AGBL4: variants seen among roughly 807,000 people sequenced by gnomAD.
The protein encoded by AGBL4 is cytosolic carboxypeptidase 6.
A neutral mutation model predicts 66.4 loss-of-function variants in AGBL4; 58 were observed. The observed-to-expected ratio is 0.87, with a 90% CI of 0.71 to 1.09. The LOEUF is 1.09. AGBL4 is among the 50% of genes least tolerant of loss of function. The probability of loss-of-function intolerance (pLI) is 0.00; values close to 1 mark genes in which losing one functional copy is unlikely to be tolerated. For missense variants in AGBL4, 579 were observed against 631.0 expected (o/e 0.92, Z 0.88); for synonymous variants, 234 against 222.9 (o/e 1.05, Z -0.44).
intron 1 of AGBL4, among the ~76,000 whole-genome samples, chr1:49,874,587 C>T (rs999699171): frequency 6.6e-6 from 1 of 151,990 alleles, no homozygotes; most frequent in Non-Finnish European, 1.5e-5. Context: ...GTAGAATTAC[C>T]TATGACTCAT....
At chr1:49,008,487 G>A (rs912187115) in intron 5 of AGBL4, among the ~76,000 whole-genome samples, 11 of 147,484 alleles carry the variant, frequency 7.5e-5, no homozygotes, top group African/African-American at 2.2e-4. Flanking sequence ...AAGTCAACAA[G>A]GATACCCAGG....
At chr1:49,394,879 T>C (rs966833135) in intron 3 of AGBL4, among the ~76,000 whole-genome samples, 2 of 152,122 alleles carry the variant, frequency 1.3e-5, no homozygotes, top group Admixed American at 1.3e-4. Context: ...GAAAATCAGG[T>C]GTTTATTTTC....
intron 5 of AGBL4, 29 bp from the exon 6 acceptor site, chr1:48,867,259 C>A: frequency 6.2e-7 from 1 of 1,612,332 alleles, no homozygotes; most frequent in African/African-American, 1.3e-5. Flanking sequence ...TGTGAGGGCA[C>A]TGATTTGAGC....
chr1:49,770,871 C>A (rs777867391), intron 2 of AGBL4, among the ~76,000 whole-genome samples: 1 of 152,078 alleles, frequency 6.6e-6, no homozygotes, highest in African/African-American at 2.4e-5. Flanking sequence ...CCCTTCTCAT[C>A]TCTGATTTTA....
intron 3 of AGBL4, among the ~76,000 whole-genome samples, chr1:49,444,102 T>C (rs1646098456): frequency 6.6e-6 from 1 of 152,088 alleles, no homozygotes; most frequent in Admixed American, 6.5e-5. Flanking sequence ...TCTAGTTTTA[T>C]TCCATTGTTG....
chr1:49,474,885 G>C (rs539630809), intron 3 of AGBL4, among the ~76,000 whole-genome samples: 31 of 151,988 alleles, frequency 2.0e-4, no homozygotes, highest in Non-Finnish European at 2.6e-4. Flanking sequence ...TTAGCAAAGA[G>C]AGAAAATCTG....
intron 5 of AGBL4, among the ~76,000 whole-genome samples, chr1:48,988,629 G>C (rs1210464888): frequency 1.3e-5 from 2 of 152,166 alleles, no homozygotes; most frequent in African/African-American, 4.8e-5. Flanking sequence ...TCAATACTGA[G>C]AGCCTGTGGC....
chr1:48,583,185 T>TGA (rs1644765903), intron 11 of AGBL4, among the ~76,000 whole-genome samples: 1 of 152,192 alleles, frequency 6.6e-6, no homozygotes, highest in Admixed American at 6.5e-5. Context: ...CCAATGCTCT[T>TGA]TGCCCTACAA....
chr1:49,032,838 AAAG>A (rs1350845215), intron 5 of AGBL4, among the ~76,000 whole-genome samples: 1 of 152,092 alleles, frequency 6.6e-6, no homozygotes, highest in Non-Finnish European at 1.5e-5. Flanking sequence ...GAATAACTTA[AAAG>A]AAGAAGTTAA....
chr1:49,635,794 T>C (rs1454203721), intron 3 of AGBL4, among the ~76,000 whole-genome samples: 1 of 152,162 alleles, frequency 6.6e-6, no homozygotes, highest in Admixed American at 6.6e-5. Context: ...AAGTATAAAT[T>C]GGTACAACTA....
At chr1:48,895,664 TC>T (rs1371452533) in intron 5 of AGBL4, among the ~76,000 whole-genome samples, 1 of 152,138 alleles carries the variant, frequency 6.6e-6, no homozygotes, top group Non-Finnish European at 1.5e-5. Context: ...AGCTTATCAC[TC>T]CCTACCTTGT....
chr1:49,893,812 A>T (rs185336982), intron 1 of AGBL4, among the ~76,000 whole-genome samples: 57 of 152,296 alleles, frequency 3.7e-4, no homozygotes, highest in Non-Finnish European at 7.1e-4. Context: ...CATGAAGGAG[A>T]GAACACAAGC....
In AGBL4 at chr1:49,045,596, C is replaced by T. The variant is rs1644058354; in HGVS notation, c.582G>A (p.Leu194=). 6.2e-7 allele frequency: 1 copy of T among 1,604,458 alleles called. No individual in the cohort carries two copies. The highest frequency in any genetic ancestry group is 2.2e-5 in the East Asian group (1 of 44,488). Residue 194 remains leucine, a synonymous_variant, in exon 5 of 14, where the codon CTG becomes CTA. Transcript: ENST00000371839. The part of the protein sequence containing the change: ...RNMDYFFREQ[L]GQSVQQRKLD... ...GCACAGGCCTTACCACACTCTGGCCCAGCTGCTCCCGAAAGAAGTAATCCA... is the reference window on the plus strand; with the variant it reads ...GCACAGGCCTTACCACACTCTGGCCTAGCTGCTCCCGAAAGAAGTAATCCA...
chr1:49,974,237 A>G (rs568325422), intron 1 of AGBL4, among the ~76,000 whole-genome samples: 1 of 152,236 alleles, frequency 6.6e-6, no homozygotes, highest in South Asian at 2.1e-4. Flanking sequence ...AACAGAAGTG[A>G]TCGTGAGAAA....
intron 6 of AGBL4, among the ~76,000 whole-genome samples, chr1:48,673,092 G>A (rs1255102075): frequency 6.6e-6 from 1 of 152,054 alleles, no homozygotes; most frequent in Admixed American, 6.6e-5. Flanking sequence ...ATTCCCAAGG[G>A]GAAATTTGAT....
chr1:49,110,415 C>G (rs1443896039), intron 4 of AGBL4, among the ~76,000 whole-genome samples: 1 of 152,014 alleles, frequency 6.6e-6, no homozygotes, highest in Non-Finnish European at 1.5e-5. Context: ...ATTTTTTTCT[C>G]TAAAAAAAGT....
At chr1:49,514,955 A>G (rs1649644083) in intron 3 of AGBL4, among the ~76,000 whole-genome samples, 1 of 152,142 alleles carries the variant, frequency 6.6e-6, no homozygotes, top group South Asian at 2.1e-4. Context: ...CCTAGGCAAT[A>G]CCATTCAGGA....
intron 6 of AGBL4, among the ~76,000 whole-genome samples, chr1:48,802,264 A>C (rs1034339618): frequency 6.6e-6 from 1 of 152,112 alleles, no homozygotes; most frequent in Non-Finnish European, 1.5e-5. Context: ...TGCCTGGCTA[A>C]GTCTTTCTTA....
chr1:49,256,191 A>T (rs111692337), intron 3 of AGBL4, among the ~76,000 whole-genome samples: 4 of 117,676 alleles, frequency 3.4e-5, no homozygotes, highest in South Asian at 2.7e-4. Context: ...CAAATTTTTT[A>T]AAAAAGATAA....
Sources: gnomAD v4.1 joint callset for allele counts (sites outside exome capture counted in the v4.1 genomes callset) on GRCh38, gnomAD v4.1.1 for gene constraint, MANE v1.5 for transcripts, NCBI Gene and HGNC (gene_info 2026-07-23, HGNC 2026-07-21) for gene names.